Variants in PSIP1 observed in about 807,000 individuals in gnomAD.
The protein encoded by PSIP1 is PC4 and SFRS1-interacting protein.
A neutral mutation model predicts 74.7 loss-of-function variants in PSIP1; 19 were observed. The observed-to-expected ratio is 0.25, with a 90% CI of 0.18 to 0.37. PSIP1 has a LOEUF of 0.37. Among genes scored for constraint, PSIP1 ranks in the 10% least tolerant of loss-of-function variants. The pLI is 1.00. For missense variants in PSIP1, 601 were observed against 614.3 expected, an observed-to-expected ratio of 0.98 and a Z score of 0.23; for synonymous variants, 222 against 195.3, an observed-to-expected ratio of 1.14 and a Z score of -1.14.
At chr9:15,482,653 C>CT (rs2036385411) in intron 6 of PSIP1, among the ~76,000 whole-genome samples, 1 of 152,172 alleles carries the variant, frequency 6.6e-6, no homozygotes, top group Non-Finnish European at 1.5e-5. Flanking sequence ...ATAATTTATA[C>CT]TGACTCCACA....
At chr9:15,496,155 G>T (rs2037062704) in intron 3 of PSIP1, among the ~76,000 whole-genome samples, 1 of 152,190 alleles carries the variant, frequency 6.6e-6, no homozygotes, top group South Asian at 2.1e-4. Context: ...TTTGTAGGTT[G>T]AAAGACTAGC....
intron 3 of PSIP1, among the ~76,000 whole-genome samples, chr9:15,504,279 C>G (rs1290731452): frequency 1.3e-5 from 2 of 152,150 alleles, no homozygotes; most frequent in Non-Finnish European, 2.9e-5. Context: ...CATTAACTAT[C>G]TAATTACCTA....
Position 15,469,318 on chromosome 9 carries a change from C to G in PSIP1, c.1052G>C (p.Arg351Pro). The G allele has an allele frequency of 1.3e-6, 2 of 1,569,120 alleles. No individual in the cohort carries two copies. The highest frequency in any genetic ancestry group is 1.7e-6 in the Non-Finnish European group (2 of 1,156,100). The change falls in exon 12 of 16, where the codon CGA becomes CCA. Residue 351 changes from arginine to proline, a missense_variant. This residue lies in a region of PSIP1 where 538 missense variants were observed against 507.6 expected (regional missense o/e 1.06). Transcript: ENST00000380733. ...AATCTCAGCATGTATCCTTTGAAGTCGAGAATCCATTGATGTTTCTACAAA... is the reference window on the plus strand; with the variant it reads ...AATCTCAGCATGTATCCTTTGAAGTGGAGAATCCATTGATGTTTCTACAAA... Reference protein sequence around the residue: ...EKKRETSMDSRLQRIHAEIKN... With the variant: ...EKKRETSMDSPLQRIHAEIKN...
At position 15,509,939 on chromosome 9, in the gene PSIP1, G is replaced by T. The variant is rs1473081030; in HGVS notation, c.72+178C>A. On this transcript the variant is annotated intron_variant, in intron 2 of 15. Transcript: ENST00000380733. ...ATACACAGGTATGTAGAAACGTCTG[G>T]ATTTTCATAATTACACGGGAGATTA... Among the ~76,000 whole-genome samples, 4 of 152,158 alleles carry T rather than the reference G, an allele frequency of 2.6e-5. No homozygotes were observed. The South Asian group carries it at 6.2e-4, about 24-fold the overall frequency.
chr9:15,469,068 A>G lies in PSIP1; in HGVS notation c.1105-10T>C, dbSNP rs754772644. 3 of 1,606,776 alleles carry G rather than the reference A, an allele frequency of 1.9e-6. No individual in the cohort carries two copies. The South Asian group carries it at 3.3e-5, about 18-fold the overall frequency. On this transcript the variant is annotated splice_polypyrimidine_tract_variant and intron_variant, in intron 12 of 15. Transcript: ENST00000380733. Reference sequence around the variant, plus strand: ...TGCATCTGTTCACATCCTTCATGACAAAACAGTAATTTCATAGCTGTTAAT... The same window carrying G: ...TGCATCTGTTCACATCCTTCATGACGAAACAGTAATTTCATAGCTGTTAAT...
intron 4 of PSIP1, chr9:15,489,425 T>G (rs2036719785): frequency 6.6e-6 from 1 of 151,730 alleles, no homozygotes; most frequent in African/African-American, 2.4e-5. Flanking sequence ...CTGGCCAACA[T>G]GACAAAACCC....
At chr9:15,468,030 G>T (rs909410565) in intron 14 of PSIP1, among the ~76,000 whole-genome samples, 1 of 149,012 alleles carries the variant, frequency 6.7e-6, no homozygotes. Context: ...TGAGGCAGGA[G>T]AATCGCTTGA....
intron 3 of PSIP1, among the ~76,000 whole-genome samples, chr9:15,496,321 T>C (rs867113436): frequency 6.6e-6 from 1 of 152,210 alleles, no homozygotes; most frequent in African/African-American, 2.4e-5. Flanking sequence ...TATACCCTTC[T>C]CTCTTCAAGC....
At chr9:15,481,298 T>G (rs1029114326) in intron 6 of PSIP1, among the ~76,000 whole-genome samples, 1 of 152,164 alleles carries the variant, frequency 6.6e-6, no homozygotes, top group Non-Finnish European at 1.5e-5. Context: ...AGGGCATAAT[T>G]TGTCTAAAAT....
In PSIP1 at chr9:15,465,434, T is replaced by C. The variant is rs1023374472; in HGVS notation, c.*86A>G. On this transcript the variant is annotated 3_prime_UTR_variant, in exon 16 of 16. Transcript: ENST00000380733. ...GTTTTCAACATCAAACCTATGCTTA[T>C]AAAAATTTAAAACTTTCAGCAGTCT... 3.3e-6 allele frequency: 4 copies of C among 1,230,474 alleles called. No individual in the cohort carries two copies. The highest frequency in any genetic ancestry group is 4.6e-6 in the Non-Finnish European group (4 of 865,278). 76.2% of individuals were successfully genotyped at this position (1,230,474 alleles called of 1,614,324 possible).
At chr9:15,486,758 G>T in intron 5 of PSIP1, 69 bp downstream of exon 5, 5 of 1,083,712 alleles carry the variant, frequency 4.6e-6, no homozygotes, top group East Asian at 2.4e-5. Flanking sequence ...ATTAATCATG[G>T]CCAACTCATT....
chr9:15,486,547 C>T (rs2036562568), intron 5 of PSIP1, among the ~76,000 whole-genome samples: 1 of 152,120 alleles, frequency 6.6e-6, no homozygotes, highest in Non-Finnish European at 1.5e-5. Flanking sequence ...CAACACTTCT[C>T]TTTAAAAAAA....
chr9:15,503,815 C>G (rs1178738676), intron 3 of PSIP1, among the ~76,000 whole-genome samples: 1 of 152,110 alleles, frequency 6.6e-6, no homozygotes, highest in African/African-American at 2.4e-5. Flanking sequence ...GGCACAATCT[C>G]GGCTCACCAC....
intron 3 of PSIP1, chr9:15,491,876 G>C (rs943178309): frequency 6.6e-6 from 1 of 152,434 alleles, no homozygotes; most frequent in African/African-American, 2.4e-5. Flanking sequence ...ATGCATGCAA[G>C]CAGGGAAAAT....
At chr9:15,500,065 T>C (rs1299864059) in intron 3 of PSIP1, among the ~76,000 whole-genome samples, 1 of 152,276 alleles carries the variant, frequency 6.6e-6, no homozygotes, top group Non-Finnish European at 1.5e-5. Context: ...GAAAGTTTAT[T>C]ATAAATATTT....
Position 15,495,511 on chromosome 9 carries a change from T to C in PSIP1, c.150-5387A>G, listed in dbSNP as rs754236071. On this transcript the variant is annotated intron_variant, in intron 3 of 15. Coordinates refer to ENST00000380733, the MANE Select transcript of PSIP1 (RefSeq NM_033222.5). ...TAAAACCAATACCAACTTAGTATGC[T>C]GTAACTTAAAACATTAGGAACACTG... is the stretch of plus-strand genomic sequence containing the variant. Among the ~76,000 whole-genome samples the C allele has an allele frequency of 1.4e-4, 22 of 152,286 alleles. No individual in the cohort carries two copies. In the South Asian group the frequency reaches 2.3e-3, roughly 16 times the overall value.
chr9:15,503,551 A>G (rs797012876), intron 3 of PSIP1, among the ~76,000 whole-genome samples: 2 of 151,904 alleles, frequency 1.3e-5, no homozygotes, highest in African/African-American at 4.8e-5. Flanking sequence ...GTTATCAGCT[A>G]CTTGGGAAGT....
intron 2 of PSIP1, 118 bp downstream of exon 2, chr9:15,509,999 A>C: frequency 9.5e-7 from 1 of 1,049,588 alleles, no homozygotes; most frequent in Non-Finnish European, 1.4e-6. Context: ...GTCAGGTTAC[A>C]AATGAGACTA....
intron 6 of PSIP1, among the ~76,000 whole-genome samples, chr9:15,484,711 T>G (rs1464743199): frequency 6.7e-6 from 1 of 149,788 alleles, no homozygotes; most frequent in Non-Finnish European, 1.5e-5. Context: ...GGGGCAACAG[T>G]GTGAGAATCC....
Sources: allele counts gnomAD v4.1 joint callset (sites outside exome capture counted in the v4.1 genomes callset), GRCh38; gene constraint gnomAD v4.1.1; regional missense constraint gnomAD v4.1.1; transcripts MANE v1.5; gene names NCBI Gene and HGNC (gene_info 2026-07-23, HGNC 2026-07-21).